ARPP19: variants seen among roughly 807,000 people sequenced by gnomAD.
ARPP19 encodes the protein cAMP regulated phosphoprotein 19.
A neutral mutation model predicts 12.0 loss-of-function variants in ARPP19; 8 were observed. That is an observed-to-expected ratio of 0.67 (90% CI 0.39 to 1.21). The LOEUF (loss-of-function observed/expected upper bound fraction) is 1.21. Among genes scored for constraint, ARPP19 ranks in the 50% most tolerant of loss-of-function variants. The pLI, the probability that ARPP19 is intolerant of heterozygous loss-of-function variation, is 0.01. For missense variants in ARPP19, 102 were observed against 136.3 expected, an observed-to-expected ratio of 0.75 and a Z score of 1.25; for synonymous variants, 47 against 50.4, an observed-to-expected ratio of 0.93 and a Z score of 0.29.
intron 1 of ARPP19, among the ~76,000 whole-genome samples, chr15:52,562,686 G>GT (rs1193098633): frequency 1.3e-5 from 2 of 151,868 alleles, no homozygotes; most frequent in Admixed American, 6.6e-5. Context: ...GGTATAGCAA[G>GT]TATCTCTCAA....
At position 52,557,195 on chromosome 15, in the gene ARPP19, C is replaced by T. The variant is rs749427608; in HGVS notation, c.73G>A (p.Glu25Lys). 1 of 1,606,724 alleles carries T rather than the reference C, an allele frequency of 6.2e-7. No individual in the cohort carries two copies. The highest frequency in any genetic ancestry group is 8.5e-7 in the Non-Finnish European group (1 of 1,174,146). The change falls in exon 2 of 3, where the codon GAG becomes AAG. Residue 25 changes from glutamate to lysine, a missense_variant. Physicochemically the swap from Glu to Lys is moderately conservative, Grantham distance 56. Transcript: ENST00000249822. ...TTTAATTTTGCTTCTTCTGCTTTCT[C>T]TGGACTAGTCACTTTATCTTCCATT... is the stretch of plus-strand genomic sequence containing the variant. The part of the protein sequence containing the change: ...KEMEDKVTSP[E>K]KAEEAKLKAR...
intron 1 of ARPP19, among the ~76,000 whole-genome samples, chr15:52,567,735 C>G (rs1209502868): frequency 2.0e-5 from 3 of 152,120 alleles, no homozygotes; most frequent in Admixed American, 1.3e-4. Context: ...CTTTAACATC[C>G]TAACAGAAGC....
Position 52,550,168 on chromosome 15 carries a change from A to C in ARPP19, c.*1766T>G, listed in dbSNP as rs2077915780. ...TCTCAAGCTACTGATCCTGAGTATC[A>C]TGCTACAGCATTACAACTACTTGTG... On this transcript the variant is annotated 3_prime_UTR_variant, in exon 3 of 3. Transcript: ENST00000249822. 6.6e-6 allele frequency: 1 copy of C among 152,232 alleles called. No homozygotes were observed. Among genetic ancestry groups the C allele is most frequent in the Non-Finnish European group, 1.5e-5 (1 of 68,040 alleles). The allele number at this position is 152,232 out of a possible 1,614,324, so 9.4% of individuals were successfully genotyped here.
intron 1 of ARPP19, among the ~76,000 whole-genome samples, chr15:52,567,585 A>T (rs1051044389): frequency 6.6e-6 from 1 of 152,346 alleles, no homozygotes; most frequent in South Asian, 2.1e-4. Context: ...TTAAGATTGC[A>T]AACTTTAATA....
upstream of ARPP19, chr15:52,569,178 G>A: frequency 4.4e-6 from 2 of 451,720 alleles, no homozygotes; most frequent in Non-Finnish European, 7.8e-6. Context: ...AAAGGTCGCC[G>A]CTCCTGCCTC....
chr15:52,559,145 T>C (rs1312945157), intron 1 of ARPP19, among the ~76,000 whole-genome samples: 5 of 152,226 alleles, frequency 3.3e-5, no homozygotes, highest in African/African-American at 9.6e-5. Flanking sequence ...GATTCATCCA[T>C]TTATGTTATC....
chr15:52,555,816 T>TA (rs2077976739), intron 2 of ARPP19, among the ~76,000 whole-genome samples: 3 of 152,026 alleles, frequency 2.0e-5, no homozygotes, highest in Admixed American at 6.6e-5. Flanking sequence ...GTTATATAAA[T>TA]ACTATGATGT....
At chr15:52,557,984 G>A (rs1293010194) in intron 1 of ARPP19, among the ~76,000 whole-genome samples, 1 of 152,162 alleles carries the variant, frequency 6.6e-6, no homozygotes, top group Non-Finnish European at 1.5e-5. Flanking sequence ...CTCTGTTCAT[G>A]TCAAACATCC....
chr15:52,566,615 T>C lies in ARPP19; in HGVS notation c.45+2233A>G, dbSNP rs540745046. ...AATTTTTATTTTATTTTATTTTATT[T>C]TGTAGAGACAGAATCTTACTATGTT... On this transcript the variant is annotated intron_variant, in intron 1 of 2. Coordinates refer to ENST00000249822, the MANE Select transcript of ARPP19 (RefSeq NM_006628.6). Among the ~76,000 whole-genome samples, 17 of 152,062 alleles carry C rather than the reference T, an allele frequency of 1.1e-4. No individual in the cohort carries two copies. In the South Asian group the frequency reaches 3.1e-3, roughly 28 times the overall value.
Position 52,549,888 on chromosome 15 carries a change from A to C in ARPP19, c.*2046T>G, listed in dbSNP as rs1303395202. ...ATATATATATATAACTGATCTTTAC[A>C]TTACAAATGACCACAGCAGTGACTG... On this transcript the variant is annotated 3_prime_UTR_variant, in exon 3 of 3. Coordinates refer to ENST00000249822, the MANE Select transcript of ARPP19 (RefSeq NM_006628.6). 1 of 152,628 alleles carries C rather than the reference A, an allele frequency of 6.6e-6. No individual in the cohort carries two copies. The highest frequency in any genetic ancestry group is 2.4e-5 in the African/African-American group (1 of 41,460). 9.5% of individuals were successfully genotyped at this position (152,628 alleles called of 1,614,324 possible).
chr15:52,557,573 G>A (rs2077992254), intron 1 of ARPP19: 1 of 179,062 alleles, frequency 5.6e-6, no homozygotes, highest in African/African-American at 2.4e-5. Context: ...TATATTTAGA[G>A]AATCATCCTA....
chr15:52,555,705 C>T (rs1458650893), intron 2 of ARPP19, among the ~76,000 whole-genome samples: 1 of 151,846 alleles, frequency 6.6e-6, no homozygotes, highest in African/African-American at 2.4e-5. Context: ...TGTTCTGAAA[C>T]GAGTAATAAT....
chr15:52,564,675 A>G (rs2078065410), intron 1 of ARPP19, among the ~76,000 whole-genome samples: 1 of 152,062 alleles, frequency 6.6e-6, no homozygotes, highest in Non-Finnish European at 1.5e-5. Context: ...TCCAAGACAT[A>G]TTAGTTTGGT....
rs2077920400 is a variant in ARPP19, at chr15:52,550,587, A to G, written c.*1347T>C. ...AGCTGTGATTGCACTACTGCACTAG[A>G]GCTCAGGTGACAGAGCAAGGCCCTA... On this transcript the variant is annotated 3_prime_UTR_variant, in exon 3 of 3. Transcript: ENST00000249822. 6.6e-6 allele frequency: 1 copy of G among 152,158 alleles called. No individual in the cohort carries two copies. Among genetic ancestry groups the G allele is most frequent in the South Asian group, 2.1e-4 (1 of 4,830 alleles). 9.4% of individuals were successfully genotyped at this position (152,158 alleles called of 1,614,324 possible).
intron 1 of ARPP19, among the ~76,000 whole-genome samples, chr15:52,560,572 G>A (rs2078023152): frequency 6.6e-6 from 1 of 152,194 alleles, no homozygotes; most frequent in South Asian, 2.1e-4. Flanking sequence ...ACCTAATCTA[G>A]ATTTTTAAAT....
rs2077938470 is a variant in ARPP19, at chr15:52,552,122, A to C, written c.169-18T>G. On this transcript the variant is annotated intron_variant, in intron 2 of 2. Coordinates refer to ENST00000249822, the MANE Select transcript of ARPP19 (RefSeq NM_006628.6). ...TATTTTTGCTATAAGTAAAAACAAA[A>C]AAAATTCAGATTAGAGCTTAGCAAT... 1 of 1,514,584 alleles carries C rather than the reference A, an allele frequency of 6.6e-7. No individual in the cohort carries two copies. Among genetic ancestry groups the C allele is most frequent in the Non-Finnish European group, 9.2e-7 (1 of 1,089,932 alleles). The allele number at this position is 1,514,584 out of a possible 1,614,324, so 93.8% of individuals were successfully genotyped here.
At chr15:52,557,035 C>G in intron 2 of ARPP19, 65 bp downstream of exon 2, 1 of 1,537,802 alleles carries the variant, frequency 6.5e-7, no homozygotes. Context: ...ATATCCGTTT[C>G]ACAATCTGTC....
chr15:52,569,031 G>T (rs937557974), upstream of ARPP19: 1 of 637,410 alleles, frequency 1.6e-6, no homozygotes, highest in African/African-American at 2.0e-5. Flanking sequence ...GCCTTATGAC[G>T]ACACGGAGCC....
intron 1 of ARPP19, 194 bp downstream of exon 1, chr15:52,568,654 G>A: frequency 2.1e-6 from 1 of 481,384 alleles, no homozygotes; most frequent in Non-Finnish European, 3.6e-6. Context: ...CGGAGTAAAC[G>A]CGGGGCACGT....
Sources: gnomAD v4.1 joint callset for allele counts (sites outside exome capture counted in the v4.1 genomes callset) on GRCh38, gnomAD v4.1.1 for gene constraint, MANE v1.5 for transcripts, NCBI Gene and HGNC (gene_info 2026-07-23, HGNC 2026-07-21) for gene names.